Variants in CNTN4 observed in about 807,000 individuals in gnomAD.
CNTN4 encodes the protein contactin-4.
A neutral mutation model predicts 122.5 loss-of-function variants in CNTN4; 77 were observed. That is an observed-to-expected ratio of 0.63 (90% CI 0.52 to 0.76). The LOEUF (loss-of-function observed/expected upper bound fraction) is 0.76. Ranked by LOEUF, CNTN4 falls within the 30% of genes least tolerant of loss-of-function variation. The pLI, the probability that CNTN4 is intolerant of heterozygous loss-of-function variation, is 0.00. For synonymous variants in CNTN4, 512 were observed against 447.0 expected (o/e 1.15, Z -1.83); for missense variants, 1,256 against 1,259.1 (o/e 1.00, Z 0.04).
chr3:2,643,988 T>G lies in CNTN4; in HGVS notation c.55+72430T>G, dbSNP rs576863952. ...ACCGTGTCTTCCATTTTACTCAGAT[T>G]AAGGCCACAGTCTGACTGGTGTTGA... is the stretch of plus-strand genomic sequence containing the variant. On this transcript the variant is annotated intron_variant, in intron 4 of 24. Transcript: ENST00000418658. Among the ~76,000 whole-genome samples the G allele has an allele frequency of 3.3e-5, 5 of 152,306 alleles. No individual in the cohort carries two copies. In the East Asian group the frequency reaches 9.7e-4, roughly 29 times the overall value.
intron 3 of CNTN4, among the ~76,000 whole-genome samples, chr3:2,555,042 G>A (rs4685527): frequency 0.077 from 11,694 of 152,248 alleles, 565 homozygotes; most frequent in Middle Eastern, 0.11. Context: ...CAGTTCCCCA[G>A]AACACATGTG....
intron 2 of CNTN4, among the ~76,000 whole-genome samples, chr3:2,307,095 T>C (rs558900208): frequency 6.6e-6 from 1 of 152,296 alleles, no homozygotes; most frequent in South Asian, 2.1e-4. Flanking sequence ...TTTTATTTTA[T>C]TTTATTTTTC....
At chr3:2,970,397 T>C (rs1315191479) in intron 13 of CNTN4, among the ~76,000 whole-genome samples, 11 of 152,198 alleles carry the variant, frequency 7.2e-5, no homozygotes, top group Admixed American at 7.2e-4. Flanking sequence ...GCACGTGGAC[T>C]AATAGGCTAC....
At chr3:2,266,996 TA>T (rs1377153681) in intron 2 of CNTN4, among the ~76,000 whole-genome samples, 4 of 152,156 alleles carry the variant, frequency 2.6e-5, no homozygotes, top group African/African-American at 9.7e-5. Flanking sequence ...GGAATCAAAT[TA>T]AGAATTAAAT....
intron 12 of CNTN4, among the ~76,000 whole-genome samples, chr3:2,917,849 G>A (rs1353020827): frequency 6.6e-6 from 1 of 152,086 alleles, no homozygotes; most frequent in Non-Finnish European, 1.5e-5. Flanking sequence ...TGCTTCCATT[G>A]CTACATTATC....
intron 4 of CNTN4, among the ~76,000 whole-genome samples, chr3:2,715,775 G>GTATC (rs1441384499): frequency 1.3e-5 from 2 of 152,100 alleles, no homozygotes. Context: ...GAGCTCTTTG[G>GTATC]TATCTCCTTT....
chr3:2,275,314 A>G (rs1453643219), intron 2 of CNTN4, among the ~76,000 whole-genome samples: 1 of 152,216 alleles, frequency 6.6e-6, no homozygotes. Context: ...CCAAATTCCA[A>G]TACCACATGG....
At chr3:2,695,787 G>C (rs919257152) in intron 4 of CNTN4, among the ~76,000 whole-genome samples, 1 of 152,108 alleles carries the variant, frequency 6.6e-6, no homozygotes, top group African/African-American at 2.4e-5. Flanking sequence ...GTCCAATCTG[G>C]GTTTTAGGGA....
intron 4 of CNTN4, among the ~76,000 whole-genome samples, chr3:2,722,249 C>G (rs531106793): frequency 6.6e-6 from 1 of 152,162 alleles, no homozygotes; most frequent in Non-Finnish European, 1.5e-5. Context: ...AATCTGCTTC[C>G]CACAGCCTAG....
intron 4 of CNTN4, among the ~76,000 whole-genome samples, chr3:2,702,094 G>A (rs1267125241): frequency 3.3e-5 from 5 of 151,954 alleles, no homozygotes; most frequent in African/African-American, 1.2e-4. Flanking sequence ...AAGCTTTGTT[G>A]TTTTCTATCT....
At chr3:2,245,018 T>C (rs1205274096) in intron 2 of CNTN4, among the ~76,000 whole-genome samples, 5 of 152,016 alleles carry the variant, frequency 3.3e-5, no homozygotes, top group Non-Finnish European at 7.4e-5. Flanking sequence ...TAACGTCAAA[T>C]AAACGGAGAA....
chr3:2,173,148 G>C (rs746828816), intron 2 of CNTN4, among the ~76,000 whole-genome samples: 1 of 152,194 alleles, frequency 6.6e-6, no homozygotes, highest in Non-Finnish European at 1.5e-5. Flanking sequence ...CAGAAATACA[G>C]TTGAGTACTT....
intron 3 of CNTN4, among the ~76,000 whole-genome samples, chr3:2,413,733 G>A (rs967709668): frequency 3.3e-5 from 5 of 151,898 alleles, no homozygotes; most frequent in East Asian, 1.9e-4. Context: ...TAGTAGAGAC[G>A]GGGTTTCACC....
chr3:2,822,447 T>C (rs1478354826), intron 7 of CNTN4, among the ~76,000 whole-genome samples: 1 of 152,136 alleles, frequency 6.6e-6, no homozygotes, highest in Non-Finnish European at 1.5e-5. Context: ...AGGCCTGTCC[T>C]TTATATGAGA....
intron 2 of CNTN4, among the ~76,000 whole-genome samples, chr3:2,210,148 G>T (rs940954931): frequency 1.3e-4 from 20 of 151,990 alleles, no homozygotes; most frequent in Non-Finnish European, 2.2e-4. Flanking sequence ...AATAAGTTAT[G>T]GTTGAGAGAA....
intron 2 of CNTN4, among the ~76,000 whole-genome samples, chr3:2,225,624 A>G (rs1388770808): frequency 6.6e-6 from 1 of 152,218 alleles, no homozygotes; most frequent in Non-Finnish European, 1.5e-5. Context: ...CGACTTTTCT[A>G]TTCTCGTCAG....
At chr3:2,384,937 G>A (rs911340675) in intron 3 of CNTN4, among the ~76,000 whole-genome samples, 15 of 151,902 alleles carry the variant, frequency 9.9e-5, no homozygotes, top group Middle Eastern at 3.4e-3. Context: ...GTTTCATATA[G>A]CCCCTTCTAC....
intron 2 of CNTN4, among the ~76,000 whole-genome samples, chr3:2,111,555 AT>A (rs1559251641): frequency 6.6e-6 from 1 of 152,116 alleles, no homozygotes; most frequent in Non-Finnish European, 1.5e-5. Context: ...ATTTTATGTG[AT>A]GTATAGGAAA....
chr3:2,332,313 A>C (rs1464911027), intron 2 of CNTN4, among the ~76,000 whole-genome samples: 1 of 152,158 alleles, frequency 6.6e-6, no homozygotes, highest in Non-Finnish European at 1.5e-5. Flanking sequence ...TTCTCTTCTC[A>C]TTTTAAGGTT....
Sources: gnomAD v4.1 joint callset for allele counts (sites outside exome capture counted in the v4.1 genomes callset) on GRCh38, gnomAD v4.1.1 for gene constraint, MANE v1.5 for transcripts, NCBI Gene and HGNC (gene_info 2026-07-23, HGNC 2026-07-21) for gene names.